CFAP70: variants seen among roughly 807,000 people sequenced by gnomAD.
The protein encoded by CFAP70 is cilia- and flagella-associated protein 70.
Under a neutral mutation model 137.6 loss-of-function variants are expected in CFAP70, and 81 were observed. The observed-to-expected ratio is 0.59, with a 90% CI of 0.49 to 0.71. The LOEUF (loss-of-function observed/expected upper bound fraction) is 0.71, where lower values mean the gene tolerates loss of function less well. Ranked by LOEUF, CFAP70 falls within the 30% of genes least tolerant of loss-of-function variation. The pLI is 0.00. For synonymous variants in CFAP70, 382 were observed against 423.6 expected, an observed-to-expected ratio of 0.90 and a Z score of 1.20; for missense variants, 976 against 1,226.7, an observed-to-expected ratio of 0.80 and a Z score of 3.05.
At chr10:73,315,432 C>G (rs150592088) in intron 9 of CFAP70, among the ~76,000 whole-genome samples, 2 of 151,954 alleles carry the variant, frequency 1.3e-5, no homozygotes, top group African/African-American at 4.8e-5. Flanking sequence ...TTAGCTATTA[C>G]AAATAATGCT....
chr10:73,257,546 G>A (rs762026596), intron 25 of CFAP70, among the ~76,000 whole-genome samples: 1 of 152,138 alleles, frequency 6.6e-6, no homozygotes, highest in East Asian at 1.9e-4. Flanking sequence ...GGGACCTGGG[G>A]AATATCTAGT....
At chr10:73,339,757 G>A (rs904304108) in intron 6 of CFAP70, among the ~76,000 whole-genome samples, 33 of 152,218 alleles carry the variant, frequency 2.2e-4, no homozygotes, top group African/African-American at 6.0e-4. Context: ...TTCCATGGCC[G>A]GCACCAGGGA....
intron 9 of CFAP70, among the ~76,000 whole-genome samples, chr10:73,316,309 C>G (rs1169813256): frequency 6.6e-6 from 1 of 151,320 alleles, no homozygotes; most frequent in Non-Finnish European, 1.5e-5. Flanking sequence ...GTTTTTAGAT[C>G]ACTTACATAT....
intron 9 of CFAP70, among the ~76,000 whole-genome samples, chr10:73,321,653 G>A (rs553001936): frequency 2.2e-4 from 33 of 151,464 alleles, no homozygotes; most frequent in African/African-American, 7.3e-4. Context: ...TTTTTTGCTC[G>A]AATATATGAT....
chr10:73,358,841 G>C (rs1184300228), upstream of CFAP70: 2 of 152,308 alleles, frequency 1.3e-5, no homozygotes, highest in Non-Finnish European at 2.9e-5. Flanking sequence ...GCCGGGAGCA[G>C]GGAGCGAGAC....
chr10:73,283,898 T>C (rs1456070776), intron 19 of CFAP70, among the ~76,000 whole-genome samples: 1 of 152,194 alleles, frequency 6.6e-6, no homozygotes, highest in Non-Finnish European at 1.5e-5. Flanking sequence ...ACACAACATA[T>C]AGTTGAGGTT....
chr10:73,284,525 G>T (rs1394754908), intron 19 of CFAP70, among the ~76,000 whole-genome samples: 3 of 151,320 alleles, frequency 2.0e-5, no homozygotes, highest in African/African-American at 4.9e-5. Flanking sequence ...ATTTAAGTTT[G>T]CCATTTTAGT....
intron 8 of CFAP70, among the ~76,000 whole-genome samples, chr10:73,324,013 G>C (rs1331087272): frequency 6.6e-6 from 1 of 152,212 alleles, no homozygotes; most frequent in South Asian, 2.1e-4. Flanking sequence ...GGAGATCTGA[G>C]AACGGGCACA....
intron 19 of CFAP70, among the ~76,000 whole-genome samples, chr10:73,289,899 G>A (rs1289699883): frequency 3.3e-5 from 5 of 152,010 alleles, no homozygotes; most frequent in Non-Finnish European, 7.4e-5. Flanking sequence ...TACAAAATTA[G>A]CCAGGTGTGG....
intron 10 of CFAP70, 141 bp from the exon 12 acceptor site, chr10:73,312,055 G>A (rs1211137246): frequency 9.1e-6 from 6 of 657,428 alleles, no homozygotes; most frequent in Non-Finnish European, 1.6e-5. Context: ...TTGCAGGGAT[G>A]GATGAAGCTG....
At chr10:73,330,346 A>C (rs1162928457) in intron 8 of CFAP70, among the ~76,000 whole-genome samples, 1 of 150,934 alleles carries the variant, frequency 6.6e-6, no homozygotes, top group East Asian at 2.0e-4. Flanking sequence ...GCTACTCAGG[A>C]GGCTGAGGCA....
chr10:73,342,855 T>C (rs1309660816), intron 5 of CFAP70, among the ~76,000 whole-genome samples: 3 of 151,902 alleles, frequency 2.0e-5, no homozygotes, highest in African/African-American at 7.3e-5. Flanking sequence ...GGCGGGCGGA[T>C]CACAAGGTCA....
At chr10:73,340,608 C>T (rs879610796) in intron 6 of CFAP70, among the ~76,000 whole-genome samples, 4 of 152,192 alleles carry the variant, frequency 2.6e-5, no homozygotes, top group Non-Finnish European at 1.5e-5. Context: ...TGAGGGGTGC[C>T]TGCAAGCCCA....
At chr10:73,299,688 TAAAA>T (rs756746872) in intron 12 of CFAP70, 23 bp from the exon 14 acceptor site, 1 of 1,583,232 alleles carries the variant, frequency 6.3e-7, no homozygotes, top group Non-Finnish European at 8.6e-7. Context: ...AGAAAAAAAA[TAAAA>T]AAACAAAAAA....
At chr10:73,356,751 G>A (rs1301219495) in intron 1 of CFAP70, among the ~76,000 whole-genome samples, 1 of 152,128 alleles carries the variant, frequency 6.6e-6, no homozygotes, top group East Asian at 1.9e-4. Context: ...CATTTGAAAT[G>A]CCCTTTTGTA....
At chr10:73,327,492 A>G (rs987082949) in intron 8 of CFAP70, among the ~76,000 whole-genome samples, 4 of 151,982 alleles carry the variant, frequency 2.6e-5, no homozygotes, top group African/African-American at 9.7e-5. Context: ...GGCCAGGGCA[A>G]TTAGGCAGGA....
chr10:73,258,648 T>C (rs1479409863), intron 25 of CFAP70, among the ~76,000 whole-genome samples: 1 of 152,208 alleles, frequency 6.6e-6, no homozygotes, highest in African/African-American at 2.4e-5. Context: ...ACATTTCTCT[T>C]CTTACAAAAG....
intron 25 of CFAP70, among the ~76,000 whole-genome samples, chr10:73,265,092 G>A (rs1167451095): frequency 1.3e-5 from 2 of 152,152 alleles, no homozygotes; most frequent in Non-Finnish European, 2.9e-5. Context: ...TTGGGAGGCC[G>A]AGATGGGCGG....
chr10:73,291,654 G>A (rs1219320754), exon 18 of CFAP70: 1 of 1,613,360 alleles, frequency 6.2e-7, no homozygotes, highest in South Asian at 1.1e-5. Context: ...TAAAGTCCAG[G>A]CTACAACATT....
Sources: gnomAD v4.1 joint callset for allele counts (sites outside exome capture counted in the v4.1 genomes callset) on GRCh38, gnomAD v4.1.1 for gene constraint, MANE v1.5 for transcripts, NCBI Gene and HGNC (gene_info 2026-07-23, HGNC 2026-07-21) for gene names.